Variants in ATXN10 observed in about 807,000 individuals in gnomAD.
ATXN10 encodes the protein ataxin-10.
In ATXN10, 28 loss-of-function variants were observed where a neutral mutation model predicts 52.9. The ratio of observed to expected loss-of-function variants is 0.53; its 90% CI spans 0.39 to 0.73. The LOEUF is 0.73. Among genes scored for constraint, ATXN10 ranks in the 30% least tolerant of loss-of-function variants. The pLI is 0.00. For missense variants in ATXN10, 565 were observed against 577.0 expected, an observed-to-expected ratio of 0.98 and a Z score of 0.21; for synonymous variants, 226 against 221.5, an observed-to-expected ratio of 1.02 and a Z score of -0.18.
chr22:45,713,445 T>C (rs1162212696), intron 5 of ATXN10, among the ~76,000 whole-genome samples: 1 of 152,190 alleles, frequency 6.6e-6, no homozygotes, highest in Non-Finnish European at 1.5e-5. Context: ...ATTTAAATGA[T>C]GAATTTCAAG....
chr22:45,702,605 G>A (rs1359405985), intron 4 of ATXN10, 84 bp from the exon 5 acceptor site: 5 of 1,308,972 alleles, frequency 3.8e-6, no homozygotes, highest in Non-Finnish European at 5.5e-6. Context: ...AGCATGTAGT[G>A]AATTTGACAA....
chr22:45,714,321 C>T (rs534155794), intron 5 of ATXN10, among the ~76,000 whole-genome samples: 116 of 152,154 alleles, frequency 7.6e-4, no homozygotes, highest in African/African-American at 2.5e-3. Context: ...AGGGATATCA[C>T]CCATCATATA....
At chr22:45,699,467 C>CTT (rs11378331) in intron 3 of ATXN10, among the ~76,000 whole-genome samples, 11 of 119,842 alleles carry the variant, frequency 9.2e-5, no homozygotes, top group South Asian at 2.6e-4. Context: ...CAGTAGAAAT[C>CTT]TTTTTTTTTT....
At chr22:45,768,616 C>T (rs183122178) in intron 9 of ATXN10, among the ~76,000 whole-genome samples, 1 of 152,208 alleles carries the variant, frequency 6.6e-6, no homozygotes, top group South Asian at 2.1e-4. Flanking sequence ...TTAAAGAAAA[C>T]GTAGTCACCA....
intron 5 of ATXN10, among the ~76,000 whole-genome samples, chr22:45,711,904 C>G (rs1443732072): frequency 3.9e-5 from 6 of 152,106 alleles, no homozygotes; most frequent in African/African-American, 1.4e-4. Flanking sequence ...GTACACAGTT[C>G]TGACTTTTTA....
chr22:45,725,431 A>G (rs1924829870), intron 6 of ATXN10, among the ~76,000 whole-genome samples: 1 of 131,654 alleles, frequency 7.6e-6, no homozygotes, highest in Non-Finnish European at 1.6e-5. Context: ...CAGCTATTTT[A>G]AAAGGGACTG....
At chr22:45,722,359 T>C (rs911103111) in intron 6 of ATXN10, among the ~76,000 whole-genome samples, 4 of 152,162 alleles carry the variant, frequency 2.6e-5, no homozygotes, top group African/African-American at 9.7e-5. Context: ...ACTCATTCCT[T>C]AACAGTGGGA....
chr22:45,760,132 G>A (rs1437994038), intron 9 of ATXN10, among the ~76,000 whole-genome samples: 1 of 152,186 alleles, frequency 6.6e-6, no homozygotes, highest in East Asian at 1.9e-4. Flanking sequence ...CCTGGGAGCA[G>A]TAGCCCATGT....
Position 45,786,407 on chromosome 22 carries a change from C to T in ATXN10, c.1174-20552C>T, listed in dbSNP as rs1477346626. On this transcript the variant is annotated intron_variant, in intron 9 of 11. Transcript: ENST00000252934. This position sits in a 1 kb window ranked among gnomAD's most constrained non-coding sequence, Gnocchi z 4.1. ...AGGGTTAGTTTATGGGATGCAGTCT[C>T]TGACATTCTCGGCCTCACTGTGTTC... 6.6e-6 allele frequency among the ~76,000 whole-genome samples: 1 copy of T among 152,210 alleles called. No individual in the cohort carries two copies. The highest frequency in any genetic ancestry group is 1.5e-5 in the Non-Finnish European group (1 of 68,040).
chr22:45,765,061 G>A (rs1926533991), intron 9 of ATXN10, among the ~76,000 whole-genome samples: 2 of 152,140 alleles, frequency 1.3e-5, no homozygotes, highest in Admixed American at 6.5e-5. Flanking sequence ...TCCCTTTCAG[G>A]ATTTCTGGTG....
chr22:45,807,135 T>C (rs1485284143), intron 10 of ATXN10, 113 bp downstream of exon 10: 1 of 852,536 alleles, frequency 1.2e-6, no homozygotes, highest in Non-Finnish European at 2.0e-6. Context: ...CTTGCTTGTT[T>C]ACTTGTTCCT....
chr22:45,779,560 T>C lies in ATXN10; in HGVS notation c.1174-27399T>C, dbSNP rs558884770. 1.6e-3 allele frequency among the ~76,000 whole-genome samples: 249 copies of C among 152,334 alleles called. 1 individual carries two copies. The highest frequency in any genetic ancestry group is 3.0e-3 in the Non-Finnish European group (204 of 68,022). Reference sequence around the variant, plus strand: ...CCGTCTTGCAGTACGCAACCACTGGTAGTGATTTCAGGCCTCAGTAGGCAT... The same window carrying C: ...CCGTCTTGCAGTACGCAACCACTGGCAGTGATTTCAGGCCTCAGTAGGCAT... On this transcript the variant is annotated intron_variant, in intron 9 of 11. Transcript: ENST00000252934.
chr22:45,728,804 C>T lies in ATXN10; in HGVS notation c.729-621C>T, dbSNP rs554126149. On this transcript the variant is annotated intron_variant, in intron 6 of 11. Coordinates refer to ENST00000252934, the MANE Select transcript of ATXN10 (RefSeq NM_013236.4). This position sits in a 1 kb window ranked among gnomAD's most constrained non-coding sequence, Gnocchi z 4.3. ...GTAAAAATGGCACAGTCTTGGTCTTCAGATTTGTGTTTGTGTAAACTAAAA... is the reference window on the plus strand; with the variant it reads ...GTAAAAATGGCACAGTCTTGGTCTTTAGATTTGTGTTTGTGTAAACTAAAA... 6.6e-6 allele frequency among the ~76,000 whole-genome samples: 1 copy of T among 152,220 alleles called. No homozygotes were observed. The highest frequency in any genetic ancestry group is 2.1e-4 in the South Asian group (1 of 4,814).
chr22:45,736,178 A>G (rs1172576127), intron 7 of ATXN10, among the ~76,000 whole-genome samples: 2 of 152,096 alleles, frequency 1.3e-5, no homozygotes, highest in African/African-American at 4.8e-5. Flanking sequence ...ACTAAGAAGA[A>G]AGTGTACTTA....
Position 45,774,569 on chromosome 22 carries a change from C to T in ATXN10, c.1174-32390C>T, listed in dbSNP as rs1021044089. Among the ~76,000 whole-genome samples, 3 of 152,208 alleles carry T rather than the reference C, an allele frequency of 2.0e-5. No individual in the cohort carries two copies. Among genetic ancestry groups the T allele is most frequent in the African/African-American group, 7.2e-5 (3 of 41,458 alleles). On this transcript the variant is annotated intron_variant, in intron 9 of 11. Transcript: ENST00000252934. The surrounding 1 kb of genome is among the most constrained non-coding windows in gnomAD (Gnocchi z 6.2). ...TGACCAGTGTTGTACAGCAAAGGAT[C>T]CCAACTCTAGGAAATCTTCCATGTC...
intron 9 of ATXN10, among the ~76,000 whole-genome samples, chr22:45,778,878 A>G (rs1927050018): frequency 6.6e-6 from 1 of 152,220 alleles, no homozygotes; most frequent in African/African-American, 2.4e-5. Context: ...TGATATTTGT[A>G]CAAAAAGGTC....
intron 9 of ATXN10, among the ~76,000 whole-genome samples, chr22:45,751,529 C>T (rs1456584165): frequency 4.0e-5 from 6 of 151,724 alleles, no homozygotes; most frequent in African/African-American, 1.5e-4. Flanking sequence ...AAGGAATAGG[C>T]ATTTGAATTT....
rs543818951 is a variant in ATXN10, at chr22:45,816,493, C to T, written c.1237+9471C>T. On this transcript the variant is annotated intron_variant, in intron 10 of 11. Transcript: ENST00000252934. The surrounding 1 kb of genome is among the most constrained non-coding windows in gnomAD (Gnocchi z 5.8). ...TTATAGTTGGGTTGGGTGGCTGTGC[C>T]TCTCCCTGAACATGACACACCAGAA... 3.3e-5 allele frequency among the ~76,000 whole-genome samples: 5 copies of T among 152,218 alleles called. No homozygotes were observed. Among genetic ancestry groups the T allele is most frequent in the African/African-American group, 4.8e-5 (2 of 41,524 alleles).
In ATXN10 at chr22:45,689,810, A is replaced by G. The variant is rs751869261; in HGVS notation, c.215A>G (p.Glu72Gly). 6.2e-7 allele frequency: 1 copy of G among 1,614,246 alleles called. No individual in the cohort carries two copies. Among genetic ancestry groups the G allele is most frequent in the South Asian group, 1.1e-5 (1 of 91,086 alleles). The change falls in exon 2 of 12, where the codon GAA becomes GGA. Residue 72 changes from glutamate (E) to glycine (G), a missense_variant. Glu to Gly is a moderately conservative substitution (Grantham distance 98). Transcript: ENST00000252934. The part of the protein sequence containing the change: ...ELACRDPSQV[E>G]NLASSLQLIT... ...GCCTGCAGAGATCCATCCCAAGTGG[A>G]AAACCTGGCTTCCAGTCTGCAGTTA...
Sources: gnomAD v4.1 joint callset for allele counts (sites outside exome capture counted in the v4.1 genomes callset) on GRCh38, gnomAD v4.1.1 for gene constraint, Gnocchi (gnomAD v3.1) non-coding constraint, MANE v1.5 for transcripts, NCBI Gene and HGNC (gene_info 2026-07-23, HGNC 2026-07-21) for gene names.